The following ASTN2 variants were observed in gnomAD, a reference collection of about 807,000 sequenced individuals.
ASTN2 encodes the protein astrotactin 2, also known as astrotactin-2.
A neutral mutation model predicts 139.8 loss-of-function variants in ASTN2; 54 were observed. The ratio of observed to expected loss-of-function variants is 0.39; its 90% confidence interval spans 0.31 to 0.48. The LOEUF is 0.48. ASTN2 is among the 20% of genes least tolerant of loss of function. The pLI, the probability that ASTN2 is intolerant of heterozygous loss-of-function variation, is 0.95. For synonymous variants in ASTN2, 756 were observed against 719.5 expected (o/e 1.05, Z -0.81); for missense variants, 1,565 against 1,725.1 (o/e 0.91, Z 1.64).
chr9:116,543,973 T>C (rs1266073283), intron 19 of ASTN2: 2 of 152,204 alleles, frequency 1.3e-5, no homozygotes, highest in African/African-American at 2.4e-5. Flanking sequence ...ACTAAACCCT[T>C]CACTGTCTTT....
At chr9:116,714,341 T>C (rs1038618899) in intron 16 of ASTN2, among the ~76,000 whole-genome samples, 2 of 152,170 alleles carry the variant, frequency 1.3e-5, no homozygotes, top group African/African-American at 2.4e-5. Context: ...ACATATATCT[T>C]AGGCTGCTGT....
At chr9:116,742,759 G>A (rs1009704022) in intron 13 of ASTN2, among the ~76,000 whole-genome samples, 30 of 143,360 alleles carry the variant, frequency 2.1e-4, no homozygotes, top group Middle Eastern at 3.5e-3. Context: ...ATAAATATGT[G>A]CAATTGTTAT....
At chr9:117,016,220 C>T (rs1452724157) in intron 6 of ASTN2, among the ~76,000 whole-genome samples, 1 of 151,984 alleles carries the variant, frequency 6.6e-6, no homozygotes, top group African/African-American at 2.4e-5. Context: ...CCCAAGATCC[C>T]CTCTGGGATT....
At chr9:116,939,115 C>T (rs1357607865) in intron 10 of ASTN2, among the ~76,000 whole-genome samples, 5 of 152,134 alleles carry the variant, frequency 3.3e-5, no homozygotes, top group East Asian at 1.9e-4. Context: ...GTTCAAATCC[C>T]GGTTCTGTCA....
chr9:116,803,547 C>T (rs1313945764), intron 13 of ASTN2, among the ~76,000 whole-genome samples: 2 of 91,480 alleles, frequency 2.2e-5, no homozygotes, highest in Non-Finnish European at 2.4e-5. Flanking sequence ...TTTTTTTAGA[C>T]GGAGTCTCAC....
At chr9:117,018,076 AG>A (rs2132609491) in intron 6 of ASTN2, among the ~76,000 whole-genome samples, 1 of 152,106 alleles carries the variant, frequency 6.6e-6, no homozygotes, top group South Asian at 2.1e-4. Flanking sequence ...TGATCGGCGT[AG>A]GGTGGGAATG....
intron 5 of ASTN2, among the ~76,000 whole-genome samples, chr9:117,071,020 A>G (rs1828105785): frequency 1.3e-5 from 2 of 149,030 alleles, no homozygotes; most frequent in Admixed American, 1.3e-4. Context: ...CGTCAAAGTC[A>G]TTCTCCATCC....
chr9:116,771,446 C>G (rs1179649889), intron 13 of ASTN2, among the ~76,000 whole-genome samples: 1 of 152,116 alleles, frequency 6.6e-6, no homozygotes, highest in Non-Finnish European at 1.5e-5. Context: ...TAACATGTAT[C>G]AAATAGTACT....
At chr9:116,948,696 TGA>T (rs1343061294) in intron 10 of ASTN2, among the ~76,000 whole-genome samples, 1 of 60,042 alleles carries the variant, frequency 1.7e-5, no homozygotes, top group African/African-American at 4.4e-5. Context: ...CTTATATGTG[TGA>T]GTGTGTGTGT....
At chr9:117,409,586 G>T (rs941106730) in intron 1 of ASTN2, among the ~76,000 whole-genome samples, 4 of 152,154 alleles carry the variant, frequency 2.6e-5, no homozygotes, top group African/African-American at 9.7e-5. Context: ...CAAGACATTC[G>T]TTAGAATCAG....
chr9:116,445,300 G>C (rs890968417), intron 20 of ASTN2, among the ~76,000 whole-genome samples: 25 of 152,176 alleles, frequency 1.6e-4, no homozygotes, highest in Non-Finnish European at 7.3e-5. Flanking sequence ...AAAGTGGCTT[G>C]TAAGAAGAGG....
intron 4 of ASTN2, among the ~76,000 whole-genome samples, chr9:117,116,040 A>ATATATATATATATATATATATATG (rs1829380750): frequency 6.7e-6 from 1 of 149,392 alleles, no homozygotes; most frequent in Non-Finnish European, 1.5e-5. Context: ...AAAAATGCAT[A>ATATATATATATATATATATATATG]TATATATATA....
intron 10 of ASTN2, among the ~76,000 whole-genome samples, chr9:116,887,076 G>C (rs751901534): frequency 1.3e-5 from 2 of 152,100 alleles, no homozygotes; most frequent in East Asian, 3.9e-4. Context: ...TTCTGCTGTC[G>C]ATGTTATTGT....
At chr9:116,782,051 A>C (rs1214021361) in intron 13 of ASTN2, among the ~76,000 whole-genome samples, 1 of 152,112 alleles carries the variant, frequency 6.6e-6, no homozygotes, top group Non-Finnish European at 1.5e-5. Context: ...CGACAGTGAG[A>C]CTTCTTTTGT....
chr9:116,513,582 T>C (rs55751761), intron 19 of ASTN2, among the ~76,000 whole-genome samples: 25,476 of 152,260 alleles, frequency 0.17, 2,398 homozygotes, highest in African/African-American at 0.24. Context: ...CTGGATATTA[T>C]CCTGCAGAGT....
intron 13 of ASTN2, among the ~76,000 whole-genome samples, chr9:116,798,904 G>A (rs555193366): frequency 6.6e-6 from 1 of 152,272 alleles, no homozygotes; most frequent in African/African-American, 2.4e-5. Context: ...GTTTGAAATT[G>A]TTTGTTCCCA....
At position 117,268,707 on chromosome 9, in the gene ASTN2, G is replaced by A. The variant is rs150671935; in HGVS notation, c.630+22619C>T. ...AAGCTCCAGGTCCCTTGTTTCAAGC[G>A]GGTCAAAACAAAGCTCTGACAGATC... On this transcript the variant is annotated intron_variant, in intron 2 of 22. Coordinates refer to ENST00000313400, the MANE Select transcript of ASTN2 (RefSeq NM_001365068.1). 2.0e-4 allele frequency among the ~76,000 whole-genome samples: 30 copies of A among 152,244 alleles called. No homozygotes were observed. The East Asian group carries it at 5.6e-3, about 29-fold the overall frequency.
chr9:116,534,488 T>C (rs558784293), intron 19 of ASTN2, among the ~76,000 whole-genome samples: 50 of 152,356 alleles, frequency 3.3e-4, no homozygotes, highest in African/African-American at 1.1e-3. Flanking sequence ...TGCTTTCTCT[T>C]GTGGGCATTT....
At chr9:116,481,400 C>CA (rs969289606) in intron 20 of ASTN2, among the ~76,000 whole-genome samples, 1 of 152,056 alleles carries the variant, frequency 6.6e-6, no homozygotes, top group African/African-American at 2.4e-5. Context: ...CAAAATGAAA[C>CA]AAAAAATCTG....
Sources: allele counts gnomAD v4.1 joint callset (sites outside exome capture counted in the v4.1 genomes callset), GRCh38; gene constraint gnomAD v4.1.1; transcripts MANE v1.5; gene names NCBI Gene and HGNC (gene_info 2026-07-23, HGNC 2026-07-21).